The following TEX11 variants were observed in gnomAD, a reference collection of about 807,000 sequenced individuals.
The protein encoded by TEX11 is testis expressed 11, also known as testis-expressed protein 11.
TEX11 carries 7 observed loss-of-function variants against 84.4 expected under a neutral mutation model. That is an observed-to-expected ratio of 0.08 (90% CI 0.05 to 0.16). The LOEUF (loss-of-function observed/expected upper bound fraction) is 0.16, where lower values mean the gene tolerates loss of function less well. Ranked by LOEUF, TEX11 falls within the 10% of genes least tolerant of loss-of-function variation. The pLI is 1.00. For missense variants in TEX11, 551 were observed against 660.5 expected, an observed-to-expected ratio of 0.83 and a Z score of 1.82; for synonymous variants, 264 against 222.8, an observed-to-expected ratio of 1.18 and a Z score of -1.64.
At chrX:70,584,009 G>A (rs1216387881) in intron 25 of TEX11, among the ~76,000 whole-genome samples, 1 of 111,642 alleles carries the variant, frequency 9.0e-6, no homozygotes, top group African/African-American at 3.3e-5. Context: ...GCCGGGCGCG[G>A]TGGCTCACGC....
the TEX11 span, among the ~76,000 whole-genome samples, chrX:70,512,407 C>A: frequency 2.8e-5 from 3 of 107,285 alleles, no homozygotes; most frequent in Admixed American, 9.9e-5. Flanking sequence ...TTAGTAGCGA[C>A]GGGGTTTCAC....
intron 11 of TEX11, among the ~76,000 whole-genome samples, chrX:70,728,360 C>T (rs1394237865): frequency 4.4e-5 from 5 of 112,943 alleles, no homozygotes; most frequent in African/African-American, 9.6e-5. Flanking sequence ...CGAAGCAGGG[C>T]GAGGCATCGC....
intron 21 of TEX11, 118 bp from the exon 22 acceptor site, chrX:70,609,295 G>T: frequency 1.7e-6 from 1 of 574,438 alleles, no homozygotes. Flanking sequence ...TCTTTTTTGT[G>T]TATGTGTGTA....
chrX:70,713,606 T>C (rs2090463156), intron 13 of TEX11, among the ~76,000 whole-genome samples: 1 of 112,014 alleles, frequency 8.9e-6, no homozygotes, highest in East Asian at 2.8e-4. Flanking sequence ...TCTCTGATGG[T>C]AGTTTGTATT....
chrX:70,777,868 T>A (rs752984170), intron 9 of TEX11, among the ~76,000 whole-genome samples: 1 of 111,180 alleles, frequency 9.0e-6, no homozygotes, highest in Non-Finnish European at 1.9e-5. Flanking sequence ...AGGAAACAAC[T>A]AATAAAATGA....
chrX:70,773,920 T>C (rs769528895), intron 9 of TEX11, among the ~76,000 whole-genome samples: 1 of 111,045 alleles, frequency 9.0e-6, no homozygotes, highest in Non-Finnish European at 1.9e-5. Context: ...GACTCCCCAA[T>C]GCAGAGAAAG....
chrX:70,891,097 G>A (rs1240869668), intron 2 of TEX11, among the ~76,000 whole-genome samples: 2 of 112,292 alleles, frequency 1.8e-5, no homozygotes, highest in Non-Finnish European at 3.8e-5. Context: ...AGGGTCTGGA[G>A]TGGACCTCCA....
intron 8 of TEX11, among the ~76,000 whole-genome samples, chrX:70,807,296 A>G (rs1322492180): frequency 8.9e-6 from 1 of 111,751 alleles, no homozygotes; most frequent in African/African-American, 3.2e-5. Flanking sequence ...CTGAAGTTCT[A>G]AAATGTGTCC....
In TEX11 at chrX:70,624,785, G is replaced by C. The variant is rs1449365501; in HGVS notation, c.1694+54C>G. 5.0e-6 allele frequency: 5 copies of C among 1,009,165 alleles called. No homozygotes were observed. The African/African-American group carries it at 9.6e-5, about 19-fold the overall frequency. 83.2% of individuals were successfully genotyped at this position (1,009,165 alleles called of 1,213,427 possible). A position where few individuals can be genotyped will look rare whatever the true frequency, so the allele number is the denominator to read the frequency against. On this transcript the variant is annotated intron_variant, in intron 19 of 29. Transcript: ENST00000374333. ...ACTATTTTGGCAGTTTATTGACTAA[G>C]AGCAAGATAAGCAGAGGAAATACTT...
intron 7 of TEX11, among the ~76,000 whole-genome samples, chrX:70,836,109 C>CAAAAAAAAA (rs35496948): frequency 1.4e-5 from 1 of 74,039 alleles, no homozygotes; most frequent in Non-Finnish European, 2.5e-5. Context: ...GACTCTGTCT[C>CAAAAAAAAA]AAAAAAAAAA....
chrX:70,687,167 GACACACACACAGAC>G (rs1215154304), intron 13 of TEX11, among the ~76,000 whole-genome samples: 1 of 110,216 alleles, frequency 9.1e-6, no homozygotes, highest in Non-Finnish European at 1.9e-5. Flanking sequence ...CACACACAGA[GACACACACACAGAC>G]ACACACACAC....
chrX:70,819,187 C>T (rs781114806), intron 8 of TEX11, among the ~76,000 whole-genome samples: 10 of 111,408 alleles, frequency 9.0e-5, no homozygotes, highest in Non-Finnish European at 1.1e-4. Flanking sequence ...CAAAAATCCT[C>T]GATAAAATAC....
rs199530651 is a variant in TEX11 at position 70,531,231 on chromosome X, CA to C, written c.2521-1233del. On this transcript the variant is annotated intron_variant, in intron 28 of 29. Transcript: ENST00000374333. ...CACTGTGCCTGGCACATAAGAGGCA[CA>C]ACAGATGTTTGCTGAATGAATGAAT... Among the ~76,000 whole-genome samples the C allele has an allele frequency of 1.0e-3, 114 of 111,593 alleles. No individual in the cohort carries two copies. In the East Asian group the frequency reaches 0.03, roughly 29 times the overall value.
At chrX:70,561,880 GT>G (rs1224763205) in intron 25 of TEX11, among the ~76,000 whole-genome samples, 1 of 112,251 alleles carries the variant, frequency 8.9e-6, no homozygotes, top group African/African-American at 3.2e-5. Flanking sequence ...TGTAAATTAT[GT>G]AAATTAAGTA....
chrX:70,727,901 A>G (rs2090611994), intron 11 of TEX11, among the ~76,000 whole-genome samples: 2 of 111,900 alleles, frequency 1.8e-5, no homozygotes, highest in African/African-American at 6.5e-5. Context: ...GTGAGACATA[A>G]AGTTCTGTTG....
chrX:70,686,959 A>G (rs932130660), intron 13 of TEX11, among the ~76,000 whole-genome samples: 3 of 111,976 alleles, frequency 2.7e-5, no homozygotes, highest in Admixed American at 9.5e-5. Flanking sequence ...TTATTTATAC[A>G]TAGGTAGACA....
chrX:70,662,502 G>A (rs1219900255), intron 16 of TEX11, among the ~76,000 whole-genome samples: 2 of 110,676 alleles, frequency 1.8e-5, no homozygotes, highest in East Asian at 5.7e-4. Context: ...TCAGATTCAG[G>A]AAATACAGAG....
At chrX:70,847,139 A>T (rs1259939194) in intron 7 of TEX11, among the ~76,000 whole-genome samples, 1 of 110,940 alleles carries the variant, frequency 9.0e-6, no homozygotes, top group Non-Finnish European at 1.9e-5. Context: ...CTCTCTTGTC[A>T]TGTGACATGC....
chrX:70,654,237 G>A (rs750129538), intron 16 of TEX11, among the ~76,000 whole-genome samples: 2 of 111,651 alleles, frequency 1.8e-5, no homozygotes, highest in South Asian at 3.8e-4. Flanking sequence ...ACACTAATGC[G>A]AGATGTTAAT....
Sources: allele counts gnomAD v4.1 joint callset (sites outside exome capture counted in the v4.1 genomes callset), GRCh38; gene constraint gnomAD v4.1.1; transcripts MANE v1.5; gene names NCBI Gene and HGNC (gene_info 2026-07-23, HGNC 2026-07-21).